PDE3A: variants seen among roughly 807,000 people sequenced by gnomAD.
PDE3A encodes cGMP-inhibited 3',5'-cyclic phosphodiesterase 3A.
A neutral mutation model predicts 98.3 loss-of-function variants in PDE3A; 43 were observed. The ratio of observed to expected loss-of-function variants is 0.44; its 90% confidence interval spans 0.34 to 0.56. PDE3A has a LOEUF of 0.56. Among genes scored for constraint, PDE3A ranks in the 20% least tolerant of loss-of-function variants. The pLI, the probability that PDE3A is intolerant of heterozygous loss-of-function variation, is 0.01. For missense variants in PDE3A, 1,427 were observed against 1,440.7 expected (o/e 0.99, Z 0.15); for synonymous variants, 663 against 567.9 (o/e 1.17, Z -2.38).
chr12:20,536,184 A>G (rs1174424812), intron 1 of PDE3A, among the ~76,000 whole-genome samples: 1 of 152,278 alleles, frequency 6.6e-6, no homozygotes, highest in Middle Eastern at 3.4e-3. Context: ...ATGCTTATAC[A>G]TATTGTTTAA....
rs370018487 is a variant in PDE3A at position 20,496,571 on chromosome 12, G to A, written c.961-60089G>A. On this transcript the variant is annotated intron_variant, in intron 1 of 15. Coordinates refer to ENST00000359062, the MANE Select transcript of PDE3A (RefSeq NM_000921.5). ...GAATTCTCTCTCTGCTACCTCATGG[G>A]CCAAATTCTTTTGGGATCCATACTA... Among the ~76,000 whole-genome samples the A allele has an allele frequency of 4.0e-5, 6 of 151,706 alleles. No individual in the cohort carries two copies. In the East Asian group the frequency reaches 5.8e-4, roughly 15 times the overall value.
chr12:20,567,846 G>T (rs1329591576), intron 2 of PDE3A, among the ~76,000 whole-genome samples: 1 of 151,916 alleles, frequency 6.6e-6, no homozygotes, highest in Admixed American at 6.6e-5. Context: ...TCAAAAAGAA[G>T]AAAAATATAT....
Position 20,386,411 on chromosome 12 carries a change from T to C in PDE3A, c.960+16167T>C, listed in dbSNP as rs967412969. ...GATGTTGAGCTTTTTTTCATGTTTGTTGGCCACATAAATGTCTTCTTTTGA... is the reference window on the plus strand; with the variant it reads ...GATGTTGAGCTTTTTTTCATGTTTGCTGGCCACATAAATGTCTTCTTTTGA... On this transcript the variant is annotated intron_variant, in intron 1 of 15. Transcript: ENST00000359062. 7.3e-5 allele frequency among the ~76,000 whole-genome samples: 11 copies of C among 151,104 alleles called. No individual in the cohort carries two copies. In the Admixed American group the frequency reaches 7.3e-4, roughly 10 times the overall value.
At chr12:20,582,840 G>A (rs995760294) in intron 2 of PDE3A, among the ~76,000 whole-genome samples, 1 of 152,036 alleles carries the variant, frequency 6.6e-6, no homozygotes, top group Non-Finnish European at 1.5e-5. Context: ...AAAGAATAAA[G>A]GGAAATACAT....
At position 20,548,443 on chromosome 12, in the gene PDE3A, A is replaced by AT. The variant is rs63566760; in HGVS notation, c.961-8209dup. On this transcript the variant is annotated intron_variant, in intron 1 of 15. Transcript: ENST00000359062. ...TTTTTATAGATGGTGAGAGACAAAC[A>AT]TTTTTTTTCTCCCTGAATTAAGTAG... is the stretch of plus-strand genomic sequence containing the variant. 3.5e-4 allele frequency among the ~76,000 whole-genome samples: 53 copies of AT among 151,934 alleles called. 1 individual carries two copies. The highest frequency in any genetic ancestry group is 1.1e-3 in the African/African-American group (47 of 41,428).
chr12:20,646,024 A>C (rs1944768137), intron 10 of PDE3A, among the ~76,000 whole-genome samples: 1 of 152,200 alleles, frequency 6.6e-6, no homozygotes, highest in African/African-American at 2.4e-5. Context: ...ATTGATACAG[A>C]AAAATGGTAT....
At chr12:20,568,585 C>G (rs905090596) in intron 2 of PDE3A, among the ~76,000 whole-genome samples, 1 of 151,874 alleles carries the variant, frequency 6.6e-6, no homozygotes, top group African/African-American at 2.4e-5. Context: ...TTGAACCCGT[C>G]TCTCTTTTCA....
In PDE3A at chr12:20,681,618, G is replaced by A. The variant is rs775272788; in HGVS notation, c.*1347G>A. On this transcript the variant is annotated 3_prime_UTR_variant, in exon 16 of 16. Transcript: ENST00000359062. ...TGTGGTGTTCCACACGCTGTTTGTT[G>A]GGGTAGCTTCCATCGGCAGTCTGGC... is the stretch of plus-strand genomic sequence containing the variant. The A allele has an allele frequency of 3.3e-5, 5 of 152,206 alleles. No individual in the cohort carries two copies. Among genetic ancestry groups the A allele is most frequent in the Admixed American group, 2.0e-4 (3 of 15,284 alleles). The allele number at this position is 152,206 out of a possible 1,614,324, so 9.4% of individuals were successfully genotyped here. A position where few individuals can be genotyped will look rare whatever the true frequency, so the allele number is the denominator to read the frequency against.
intron 11 of PDE3A, 49 bp downstream of exon 11, chr12:20,646,652 G>GTGTTTT (rs1345928960): frequency 1.4e-6 from 2 of 1,397,984 alleles, no homozygotes; most frequent in African/African-American, 1.4e-5. Flanking sequence ...GGGAACAAGG[G>GTGTTTT]TGTTTTTGTT....
chr12:20,538,759 C>T (rs1377009392), intron 1 of PDE3A, among the ~76,000 whole-genome samples: 1 of 152,096 alleles, frequency 6.6e-6, no homozygotes, highest in Non-Finnish European at 1.5e-5. Context: ...ATCCTCCTGC[C>T]TCAGCCTCCC....
At chr12:20,470,722 A>G (rs1945422997) in intron 1 of PDE3A, among the ~76,000 whole-genome samples, 1 of 151,954 alleles carries the variant, frequency 6.6e-6, no homozygotes, top group South Asian at 2.1e-4. Context: ...AAGCATCAAA[A>G]TCTTTCTAAA....
chr12:20,674,842 G>T (rs1043404589), intron 15 of PDE3A, among the ~76,000 whole-genome samples: 6 of 151,342 alleles, frequency 4.0e-5, no homozygotes, highest in Non-Finnish European at 8.9e-5. Flanking sequence ...CATTTTTCTT[G>T]GTTAGTCTAG....
chr12:20,506,008 A>G (rs553574531), intron 1 of PDE3A, among the ~76,000 whole-genome samples: 33 of 152,116 alleles, frequency 2.2e-4, no homozygotes, highest in African/African-American at 7.2e-4. Flanking sequence ...TTCAGTGGAT[A>G]GGGCTATTTA....
chr12:20,404,826 GTTTTTT>G (rs60736941), intron 1 of PDE3A, among the ~76,000 whole-genome samples: 4 of 95,080 alleles, frequency 4.2e-5, no homozygotes, highest in African/African-American at 1.2e-4. Context: ...AGGTTACAGA[GTTTTTT>G]TTTTTTTTTT....
At chr12:20,451,600 C>T (rs1006550607) in intron 1 of PDE3A, among the ~76,000 whole-genome samples, 2 of 152,194 alleles carry the variant, frequency 1.3e-5, no homozygotes, top group African/African-American at 2.4e-5. Context: ...AGCAAGTACA[C>T]CCAGCCTCAT....
chr12:20,564,801 G>A (rs1942614120), intron 2 of PDE3A, among the ~76,000 whole-genome samples: 1 of 152,126 alleles, frequency 6.6e-6, no homozygotes, highest in African/African-American at 2.4e-5. Flanking sequence ...TAGACATGTT[G>A]TTTAATACTT....
rs1430908625 is a variant in PDE3A at position 20,680,014 on chromosome 12, A to T, written c.3185-16A>T. 6.4e-7 allele frequency: 1 copy of T among 1,567,014 alleles called. No individual in the cohort carries two copies. Among genetic ancestry groups the T allele is most frequent in the Non-Finnish European group, 8.7e-7 (1 of 1,149,278 alleles). On this transcript the variant is annotated splice_polypyrimidine_tract_variant and intron_variant, in intron 15 of 15. Transcript: ENST00000359062. ...TAAGTAGTCTGATTTGGTGTTTTTT[A>T]TTTTATTTATTTTAGAAAAGAAGAC...
rs577011352 is a variant in PDE3A, at chr12:20,502,428, C to T, written c.961-54232C>T. ...CTTCTACTAGGATATATGCCTATGA[C>T]TTAATCTGTCATCTTATTTGCTCAT... On this transcript the variant is annotated intron_variant, in intron 1 of 15. Transcript: ENST00000359062. 4.6e-5 allele frequency among the ~76,000 whole-genome samples: 7 copies of T among 152,284 alleles called. No individual in the cohort carries two copies. In the South Asian group the frequency reaches 1.5e-3, roughly 32 times the overall value.
chr12:20,549,197 T>A (rs11045300), intron 1 of PDE3A, among the ~76,000 whole-genome samples: 4,150 of 151,508 alleles, frequency 0.027, 68 homozygotes, highest in South Asian at 0.084. Context: ...ATCTGAGAAC[T>A]ATGTTTTTAT....
Sources: gnomAD v4.1 joint callset for allele counts (sites outside exome capture counted in the v4.1 genomes callset) on GRCh38, gnomAD v4.1.1 for gene constraint, MANE v1.5 for transcripts, NCBI Gene and HGNC (gene_info 2026-07-23, HGNC 2026-07-21) for gene names.